Variants in ZFAT observed in about 807,000 individuals in gnomAD.
ZFAT encodes zinc finger and AT-hook domain containing, also known as zinc finger protein ZFAT.
Under a neutral mutation model 117.7 loss-of-function variants are expected in ZFAT, and 64 were observed. The observed-to-expected ratio is 0.54, with a 90% CI of 0.44 to 0.67. The LOEUF (loss-of-function observed/expected upper bound fraction) is 0.67, where lower values mean the gene tolerates loss of function less well. Ranked by LOEUF, ZFAT falls within the 30% of genes least tolerant of loss-of-function variation. The pLI, the probability that ZFAT is intolerant of heterozygous loss-of-function variation, is 0.00. For synonymous variants in ZFAT, 679 were observed against 615.0 expected (o/e 1.10, Z -1.54); for missense variants, 1,433 against 1,584.5 (o/e 0.90, Z 1.62).
intron 3 of ZFAT, among the ~76,000 whole-genome samples, chr8:134,618,708 A>T (rs1213159308): frequency 6.6e-6 from 1 of 152,352 alleles, no homozygotes; most frequent in South Asian, 2.1e-4. Flanking sequence ...AAATTTTCTT[A>T]AGTGTCCATA....
At chr8:134,717,466 C>CTTTTTTTTT (rs746460924), upstream of ZFAT, among the ~76,000 whole-genome samples, 1,337 of 19,334 alleles carry the variant, frequency 0.069, 593 homozygotes, top group Non-Finnish European at 0.13. Context: ...AATAACAACT[C>CTTTTTTTTT]TTTTTTTTTT....
chr8:134,802,850 C>G, the ZFAT span, among the ~76,000 whole-genome samples: 2 of 152,152 alleles, frequency 1.3e-5, no homozygotes, highest in Non-Finnish European at 2.9e-5. Flanking sequence ...TACTGATGAT[C>G]TAACATTTCA....
At chr8:134,624,972 T>G (rs548737375) in intron 3 of ZFAT, among the ~76,000 whole-genome samples, 8 of 152,178 alleles carry the variant, frequency 5.3e-5, no homozygotes, top group Non-Finnish European at 1.0e-4. Context: ...TCAGCCACAT[T>G]AATAAAAAGC....
At chr8:134,759,756 AC>A in the ZFAT span, among the ~76,000 whole-genome samples, 1 of 151,120 alleles carries the variant, frequency 6.6e-6, no homozygotes, top group African/African-American at 2.4e-5. Flanking sequence ...CAAGTAGATC[AC>A]CTGAGGTCAG....
chr8:134,740,462 C>CT, the ZFAT span, among the ~76,000 whole-genome samples: 1 of 152,196 alleles, frequency 6.6e-6, no homozygotes, highest in South Asian at 2.1e-4. Flanking sequence ...AAGCATTGGC[C>CT]TGCAACAGAT....
At chr8:134,562,077 G>A (rs1046772607) in intron 11 of ZFAT, among the ~76,000 whole-genome samples, 3 of 152,106 alleles carry the variant, frequency 2.0e-5, no homozygotes, top group African/African-American at 7.2e-5. Flanking sequence ...TAACCACCAG[G>A]GTCCTTAAAG....
At chr8:134,781,540 T>C in the ZFAT span, among the ~76,000 whole-genome samples, 1 of 152,224 alleles carries the variant, frequency 6.6e-6, no homozygotes, top group Non-Finnish European at 1.5e-5. Flanking sequence ...ATCTGTGTTT[T>C]GTGGCAGCTA....
At chr8:134,576,761 CA>C (rs1825336713) in intron 10 of ZFAT, among the ~76,000 whole-genome samples, 1 of 151,840 alleles carries the variant, frequency 6.6e-6, no homozygotes, top group Non-Finnish European at 1.5e-5. Context: ...GAAGAAGGGA[CA>C]GAAAAAAAGG....
chr8:134,493,604 A>G (rs1818212198), intron 15 of ZFAT, among the ~76,000 whole-genome samples: 2 of 152,246 alleles, frequency 1.3e-5, no homozygotes, highest in South Asian at 4.1e-4. Context: ...AGAGCTCCAC[A>G]TGGTAGAGAG....
At chr8:134,525,557 G>C (rs544489017) in intron 12 of ZFAT, among the ~76,000 whole-genome samples, 1 of 152,180 alleles carries the variant, frequency 6.6e-6, no homozygotes, top group Non-Finnish European at 1.5e-5. Context: ...GTTTTGATGC[G>C]CTCAATCTCC....
rs1185583744 is a variant in ZFAT, at chr8:134,516,425, ATAT to A, written c.3235-3827_3235-3825del. 2.0e-5 allele frequency among the ~76,000 whole-genome samples: 3 copies of A among 152,210 alleles called. No individual in the cohort carries two copies. In the East Asian group the frequency reaches 5.8e-4, roughly 29 times the overall value. On this transcript the variant is annotated intron_variant, in intron 13 of 15. Transcript: ENST00000377838. ...ATCATTAGAAGGTTGCAACATGGTA[ATAT>A]TCTAATTTTTCATGTGTTAGTTGAA...
chr8:134,666,561 C>T (rs9785140), intron 1 of ZFAT, among the ~76,000 whole-genome samples: 52,563 of 151,960 alleles, frequency 0.35, 9,451 homozygotes, highest in South Asian at 0.43. Context: ...TAAGGATAAG[C>T]CTGTCTACAA....
intron 15 of ZFAT, among the ~76,000 whole-genome samples, chr8:134,499,182 A>C (rs1818742304): frequency 7.4e-6 from 1 of 135,126 alleles, no homozygotes; most frequent in East Asian, 2.1e-4. Context: ...TGCTGGTTAC[A>C]CACAGAGCCT....
intron 1 of ZFAT, among the ~76,000 whole-genome samples, chr8:134,678,764 G>A (rs1457025803): frequency 6.6e-6 from 1 of 152,136 alleles, no homozygotes; most frequent in African/African-American, 2.4e-5. Context: ...GAACAGAACA[G>A]AGGCCTCAGA....
intron 15 of ZFAT, among the ~76,000 whole-genome samples, chr8:134,481,342 A>C (rs1817290730): frequency 6.6e-6 from 1 of 152,202 alleles, no homozygotes; most frequent in African/African-American, 2.4e-5. Flanking sequence ...TCACATGTGC[A>C]AACAAGCCCT....
At chr8:134,561,113 T>C (rs186839283) in intron 11 of ZFAT, among the ~76,000 whole-genome samples, 50 of 152,332 alleles carry the variant, frequency 3.3e-4, no homozygotes, top group Middle Eastern at 3.4e-3. Context: ...GCTTTTGGCA[T>C]AAAGATATCC....
intron 3 of ZFAT, among the ~76,000 whole-genome samples, chr8:134,622,766 G>A (rs1054539711): frequency 6.6e-6 from 1 of 152,070 alleles, no homozygotes; most frequent in Non-Finnish European, 1.5e-5. Flanking sequence ...GGGGAAAGTC[G>A]GGGATGGGGA....
rs984789499 is a variant in ZFAT at position 134,478,253 on chromosome 8, G to A, written c.*229C>T. On this transcript the variant is annotated 3_prime_UTR_variant, in exon 16 of 16. Coordinates refer to ENST00000377838, the MANE Select transcript of ZFAT (RefSeq NM_020863.4). This position sits in a 1 kb window ranked among gnomAD's most constrained non-coding sequence, Gnocchi z 5.2. ...AGTCTTTCAGGAAGCAGATGGTAAG[G>A]GTCAGGGGGTGTGTGTCTATGCTGG... The A allele has an allele frequency of 5.0e-6, 3 of 597,480 alleles. No individual in the cohort carries two copies. The African/African-American group carries it at 5.6e-5, about 11-fold the overall frequency. The allele number at this position is 597,480 out of a possible 1,614,324, so 37.0% of individuals were successfully genotyped here.
intron 11 of ZFAT, among the ~76,000 whole-genome samples, chr8:134,564,420 T>C (rs1824275486): frequency 6.6e-6 from 1 of 152,152 alleles, no homozygotes; most frequent in African/African-American, 2.4e-5. Flanking sequence ...CAGTGTTTAG[T>C]GCTTCTTTCT....
Sources: gnomAD v4.1 joint callset for allele counts (sites outside exome capture counted in the v4.1 genomes callset) on GRCh38, gnomAD v4.1.1 for gene constraint, Gnocchi (gnomAD v3.1) non-coding constraint, MANE v1.5 for transcripts, NCBI Gene and HGNC (gene_info 2026-07-23, HGNC 2026-07-21) for gene names.